Variants in MAFF observed in about 807,000 individuals in gnomAD.
MAFF encodes the protein transcription factor MafF.
In MAFF, 4 loss-of-function variants were observed where a neutral mutation model predicts 2.7. The ratio of observed to expected loss-of-function variants is 1.48; its 90% CI spans 0.73 to 3.39. The LOEUF (loss-of-function observed/expected upper bound fraction) is 3.39, where lower values mean the gene tolerates loss of function less well. Among genes scored for constraint, MAFF ranks in the 30% most tolerant of loss-of-function variants. MAFF has a pLI of 0.01. For synonymous variants in MAFF, 113 were observed against 119.4 expected (o/e 0.95, Z 0.35); for missense variants, 190 against 246.6 (o/e 0.77, Z 1.54).
chr22:38,214,859 G>A lies in MAFF; in HGVS notation c.476G>A (p.Gly159Asp), dbSNP rs1277873194. ...GCCCACGGCCCGGACCCCGCCCACG[G>A]CCCGGCCTCCTGCTCCTAGTGCCCG... ...GPAHGPDPAH[G>D]PASCS The change falls in exon 3 of 3, where the codon GGC (glycine) becomes GAC (aspartate). Residue 159 changes from glycine to aspartate, a missense_variant. By Grantham distance (94) the Gly-to-Asp change is moderately conservative. This residue lies in a region of MAFF where 103 missense variants were observed against 103.0 expected (regional missense o/e 1.00). Coordinates refer to ENST00000338483, the MANE Select transcript of MAFF (RefSeq NM_012323.4). The surrounding 1 kb of genome is among the most constrained non-coding windows in gnomAD (Gnocchi z 6.3). The A allele has an allele frequency of 2.0e-6, 3 of 1,509,220 alleles. No homozygotes were observed. Among genetic ancestry groups the A allele is most frequent in the Non-Finnish European group, 2.7e-6 (3 of 1,130,500 alleles). The allele number at this position is 1,509,220 out of a possible 1,614,324, so 93.5% of individuals were successfully genotyped here.
intron 1 of MAFF, among the ~76,000 whole-genome samples, chr22:38,207,971 C>T (rs2091066365): frequency 6.6e-6 from 1 of 152,178 alleles, no homozygotes; most frequent in African/African-American, 2.4e-5. Flanking sequence ...TATTCATTCA[C>T]ACCTATTGTG....
Position 38,215,042 on chromosome 22 carries a change from A to C in MAFF, c.*164A>C. 10 of 604,720 alleles carry C rather than the reference A, an allele frequency of 1.7e-5. No individual in the cohort carries two copies. The highest frequency in any genetic ancestry group is 2.7e-5 in the Non-Finnish European group (9 of 333,782). 37.5% of individuals were successfully genotyped at this position (604,720 alleles called of 1,614,324 possible). On this transcript the variant is annotated 3_prime_UTR_variant, in exon 3 of 3. Coordinates refer to ENST00000338483, the MANE Select transcript of MAFF (RefSeq NM_012323.4). ...CCTGTCTTCCTCTTGCAGCCCCCCA[A>C]ACTGGGACCGAATGACCCTGGGAAG...
chr22:38,203,896 G>A (rs1333840007), intron 1 of MAFF: 1 of 152,278 alleles, frequency 6.6e-6, no homozygotes, highest in Non-Finnish European at 1.5e-5. Context: ...AGAAAGCAGG[G>A]CTGACAGCCC....
At chr22:38,203,442 G>C (rs1037991336) in intron 1 of MAFF, 1 of 152,328 alleles carries the variant, frequency 6.6e-6, no homozygotes, top group African/African-American at 2.4e-5. Context: ...CCCTCACCCT[G>C]GGCCAGGCAG....
At chr22:38,206,695 A>T (rs1238721514) in intron 1 of MAFF, among the ~76,000 whole-genome samples, 1 of 152,074 alleles carries the variant, frequency 6.6e-6, no homozygotes, top group Non-Finnish European at 1.5e-5. Flanking sequence ...TATTGTGATT[A>T]TTCCCACTTA....
intron 1 of MAFF, among the ~76,000 whole-genome samples, chr22:38,207,110 A>T (rs947608534): frequency 2.6e-5 from 4 of 151,596 alleles, no homozygotes; most frequent in African/African-American, 9.7e-5. Context: ...TCAGGCCTGA[A>T]TTCTATTATT....
intron 1 of MAFF, chr22:38,204,139 T>C (rs965139804): frequency 1.9e-4 from 29 of 152,318 alleles, no homozygotes; most frequent in African/African-American, 5.8e-4. Context: ...TGCATTGCCA[T>C]TGGGCCCTTG....
chr22:38,208,464 C>G (rs1488910901), intron 1 of MAFF, among the ~76,000 whole-genome samples: 4 of 152,204 alleles, frequency 2.6e-5, no homozygotes, highest in Non-Finnish European at 5.9e-5. Flanking sequence ...TCTGTACTGT[C>G]TCTGCCAACA....
chr22:38,203,527 G>T (rs980383756), intron 1 of MAFF: 1 of 152,200 alleles, frequency 6.6e-6, no homozygotes, highest in African/African-American at 2.4e-5. Flanking sequence ...TGACCTAGCC[G>T]CCACCCACCC....
At chr22:38,211,230 CTTT>C (rs61328776) in intron 1 of MAFF, among the ~76,000 whole-genome samples, 60,778 of 139,818 alleles carry the variant, frequency 0.43, 14,501 homozygotes, top group Non-Finnish European at 0.54. Flanking sequence ...GGAGCACTTT[CTTT>C]TTTTTTTTTT....
chr22:38,214,399 TCA>T lies in MAFF; in HGVS notation c.37-20_37-19del, dbSNP rs756700288. ...GGGCCCGTCCCCAGTCCCCTGGACC[TCA>T]GTTTCCTCATGCCCGCAGATCAAGC... On this transcript the variant is annotated intron_variant, in intron 2 of 2. Coordinates refer to ENST00000338483, the MANE Select transcript of MAFF (RefSeq NM_012323.4). The surrounding 1 kb of genome is among the most constrained non-coding windows in gnomAD (Gnocchi z 6.3). 5.9e-5 allele frequency: 93 copies of T among 1,565,196 alleles called. No homozygotes were observed. Among genetic ancestry groups the T allele is most frequent in the Non-Finnish European group, 7.5e-5 (86 of 1,154,144 alleles).
intron 1 of MAFF, among the ~76,000 whole-genome samples, chr22:38,206,485 G>A (rs2091052989): frequency 6.6e-6 from 1 of 150,952 alleles, no homozygotes; most frequent in East Asian, 2.0e-4. Context: ...GGGACTATAG[G>A]TGTGCGCCAC....
At chr22:38,204,100 T>G (rs944013762) in intron 1 of MAFF, 1 of 152,168 alleles carries the variant, frequency 6.6e-6, no homozygotes, top group African/African-American at 2.4e-5. Context: ...CTGAGAAGTT[T>G]AACTTCCCAT....
Position 38,213,890 on chromosome 22 carries a change from G to T in MAFF, c.36+1G>T. 1 of 1,614,192 alleles carries T rather than the reference G, an allele frequency of 6.2e-7. No homozygotes were observed. The highest frequency in any genetic ancestry group is 8.5e-7 in the Non-Finnish European group (1 of 1,180,028). ...TCCCCTATCCAGCAAAGCTCTAAAG[G>T]TGAGGAGGCAGCCTCTGTCAACCCA... On this transcript the variant is annotated splice_donor_variant, in intron 2 of 2. Coordinates refer to ENST00000338483, the MANE Select transcript of MAFF (RefSeq NM_012323.4). LOFTEE classifies it high-confidence loss of function.
rs773901929 is a variant in MAFF, at chr22:38,214,462, G to A, written c.79G>A (p.Glu27Lys). 2.5e-6 allele frequency: 4 copies of A among 1,608,342 alleles called. No individual in the cohort carries two copies. In the Admixed American group the frequency reaches 5.0e-5, roughly 20 times the overall value. The change falls in exon 3 of 3, where the codon GAG becomes AAG. Residue 27 changes from glutamate to lysine, a missense_variant. Glu to Lys is a moderately conservative substitution (Grantham distance 56, BLOSUM62 1). Around this residue, in one of 2 missense-constraint regions of MAFF, gnomAD observed 87 missense variants for 143.6 expected, o/e 0.61. Transcript: ENST00000338483. The surrounding 1 kb of genome is among the most constrained non-coding windows in gnomAD (Gnocchi z 6.3). ...CGAGAACACGCCGCACCTGTCGGAC[G>A]AGGCGCTGATGGGGCTGTCGGTGCG... is the stretch of plus-strand genomic sequence containing the variant. ...LSENTPHLSD[E>K]ALMGLSVREL... is the part of the protein sequence containing the mutation.
chr22:38,204,855 T>G (rs2091039993), intron 1 of MAFF, among the ~76,000 whole-genome samples: 1 of 152,032 alleles, frequency 6.6e-6, no homozygotes, highest in African/African-American at 2.4e-5. Flanking sequence ...TGCAGGGTTT[T>G]GAAATGGGCC....
At chr22:38,206,968 G>C (rs1418347925) in intron 1 of MAFF, among the ~76,000 whole-genome samples, 1 of 152,074 alleles carries the variant, frequency 6.6e-6, no homozygotes, top group Non-Finnish European at 1.5e-5. Flanking sequence ...CACAAATCCT[G>C]GAGAATCAGA....
chr22:38,209,125 T>C (rs2091076750), intron 1 of MAFF, among the ~76,000 whole-genome samples: 1 of 151,792 alleles, frequency 6.6e-6, no homozygotes, highest in South Asian at 2.1e-4. Flanking sequence ...GAGTGCAGTG[T>C]CGCGATCTCG....
At chr22:38,208,383 C>T (rs982968074) in intron 1 of MAFF, among the ~76,000 whole-genome samples, 1 of 152,202 alleles carries the variant, frequency 6.6e-6, no homozygotes, top group African/African-American at 2.4e-5. Flanking sequence ...TTCCCTGTTT[C>T]CCACACCCCA....
Sources: gnomAD v4.1 joint callset for allele counts (sites outside exome capture counted in the v4.1 genomes callset) on GRCh38, gnomAD v4.1.1 for gene constraint, gnomAD v4.1.1 regional missense constraint, Gnocchi (gnomAD v3.1) non-coding constraint, MANE v1.5 for transcripts, NCBI Gene and HGNC (gene_info 2026-07-23, HGNC 2026-07-21) for gene names.